Variants in COL14A1 observed in about 807,000 individuals in gnomAD.
The protein encoded by COL14A1 is collagen alpha-1(XIV) chain.
A neutral mutation model predicts 230.3 loss-of-function variants in COL14A1; 136 were observed. That is an observed-to-expected ratio of 0.59 (90% confidence interval 0.51 to 0.68). COL14A1 has a LOEUF of 0.68. Ranked by LOEUF, COL14A1 falls within the 30% of genes least tolerant of loss-of-function variation. COL14A1 has a pLI of 0.00. For missense variants in COL14A1, 1,976 were observed against 2,215.8 expected (o/e 0.89, Z 2.17); for synonymous variants, 792 against 784.1 (o/e 1.01, Z -0.17).
chr8:120,360,424 T>C (rs1823152657), intron 45 of COL14A1, among the ~76,000 whole-genome samples: 1 of 152,194 alleles, frequency 6.6e-6, no homozygotes, highest in Non-Finnish European at 1.5e-5. Flanking sequence ...TTATATTCTA[T>C]TGCCTGTGAA....
At chr8:120,307,163 T>C (rs1820879831) in intron 36 of COL14A1, among the ~76,000 whole-genome samples, 1 of 152,184 alleles carries the variant, frequency 6.6e-6, no homozygotes, top group African/African-American at 2.4e-5. Context: ...CAATGATTCC[T>C]GGTTGCAAAG....
At chr8:120,165,386 T>C (rs1815831952) in intron 4 of COL14A1, among the ~76,000 whole-genome samples, 2 of 152,246 alleles carry the variant, frequency 1.3e-5, no homozygotes, top group Non-Finnish European at 2.9e-5. Flanking sequence ...GATGTTTGAA[T>C]TTTTAAGACA....
chr8:120,206,878 A>G (rs556360736), intron 9 of COL14A1, 65 bp from the exon 10 acceptor site: 2 of 1,418,954 alleles, frequency 1.4e-6, no homozygotes, highest in African/African-American at 2.9e-5. Flanking sequence ...GTCTAATGAG[A>G]TGTCTTAGCT....
intron 5 of COL14A1, among the ~76,000 whole-genome samples, chr8:120,195,459 A>C (rs147950579): frequency 9.6e-4 from 146 of 152,286 alleles, no homozygotes; most frequent in African/African-American, 3.3e-3. Flanking sequence ...GTTCTTTGGA[A>C]GCACAGACCA....
rs200771692 is a variant in COL14A1, at chr8:120,270,131, G to A, written c.3170G>A (p.Ser1057Asn). 15 of 1,611,262 alleles carry A rather than the reference G, an allele frequency of 9.3e-6. No individual in the cohort carries two copies. Among genetic ancestry groups the A allele is most frequent in the Admixed American group, 1.7e-5 (1 of 59,704 alleles). Residue 1057 changes from serine (S) to asparagine (N), a missense_variant, in exon 26 of 48, where the codon AGC (serine) becomes AAC (asparagine). This residue lies in a region of COL14A1 where 1,791 missense variants were observed against 2,019.5 expected (regional missense o/e 0.89). Transcript: ENST00000297848. ...NFNKIISFLYSTVGALNKIGT... is the reference protein window; with the variant it reads ...NFNKIISFLYNTVGALNKIGT... ...AATAAGATCATCAGCTTTCTATACAGCACTGTTGGAGCCCTGAACAAGATT... is the reference window on the plus strand; with the variant it reads ...AATAAGATCATCAGCTTTCTATACAACACTGTTGGAGCCCTGAACAAGATT...
chr8:120,250,479 C>A, intron 21 of COL14A1, 138 bp from the exon 22 acceptor site: 1 of 896,678 alleles, frequency 1.1e-6, no homozygotes, highest in Non-Finnish European at 1.7e-6. Flanking sequence ...AGACCAGATT[C>A]AAACCTCAAC....
chr8:120,360,230 C>T (rs1036779396), intron 45 of COL14A1, among the ~76,000 whole-genome samples: 20 of 152,284 alleles, frequency 1.3e-4, no homozygotes, highest in African/African-American at 4.3e-4. Flanking sequence ...CCTTGTAGCA[C>T]CCAGAAGGAG....
At chr8:120,234,860 A>G (rs1359638145) in intron 19 of COL14A1, among the ~76,000 whole-genome samples, 1 of 151,978 alleles carries the variant, frequency 6.6e-6, no homozygotes, top group Non-Finnish European at 1.5e-5. Context: ...CTCTTTTTCT[A>G]TTGCTTCGAA....
In COL14A1 at chr8:120,199,509, G is replaced by T. The variant is rs1333375524; in HGVS notation, c.820G>T (p.Asp274Tyr). 2 of 1,613,114 alleles carry T rather than the reference G, an allele frequency of 1.2e-6. No homozygotes were observed. Among genetic ancestry groups the T allele is most frequent in the Non-Finnish European group, 1.7e-6 (2 of 1,179,616 alleles). ...ILITDGKSQD[D>Y]IIPPSRNLRE... ...AATCACAGATGGAAAATCCCAAGAT[G>T]ACATTATTCCACCATCTAGAAATCT... Residue 274 changes from aspartate (D) to tyrosine (Y), a missense_variant, in exon 8 of 48, where the codon GAC becomes TAC. Physicochemically the swap from Asp to Tyr is radical, Grantham distance 160. Around this residue, in one of 3 missense-constraint regions of COL14A1, gnomAD observed 1,791 missense variants for 2,019.5 expected, o/e 0.89. Transcript: ENST00000297848.
intron 26 of COL14A1, among the ~76,000 whole-genome samples, chr8:120,276,948 A>G (rs750778772): frequency 6.6e-6 from 1 of 152,136 alleles, no homozygotes; most frequent in Admixed American, 6.6e-5. Context: ...CTTTATAAAA[A>G]TGGTGACATG....
At chr8:120,364,049 A>C (rs1363372191) in intron 45 of COL14A1, among the ~76,000 whole-genome samples, 1 of 151,996 alleles carries the variant, frequency 6.6e-6, no homozygotes, top group East Asian at 1.9e-4. Context: ...GACAAGTTAA[A>C]GGGCATTTCA....
intron 27 of COL14A1, 64 bp downstream of exon 27, chr8:120,278,298 C>A: frequency 1.3e-6 from 2 of 1,525,144 alleles, no homozygotes. Flanking sequence ...ACTGAAATGA[C>A]CTTTTATTTT....
At chr8:120,186,452 CA>C (rs1816654164) in intron 5 of COL14A1, among the ~76,000 whole-genome samples, 1 of 152,154 alleles carries the variant, frequency 6.6e-6, no homozygotes, top group Non-Finnish European at 1.5e-5. Flanking sequence ...TGGCATAGAA[CA>C]AAATAATTCA....
At chr8:120,202,679 T>C (rs1365043792) in intron 8 of COL14A1, among the ~76,000 whole-genome samples, 1 of 152,042 alleles carries the variant, frequency 6.6e-6, no homozygotes, top group African/African-American at 2.4e-5. Flanking sequence ...ATAGGATTGA[T>C]TGTCAGGATT....
At chr8:120,367,317 G>GA in intron 46 of COL14A1, 69 bp downstream of exon 46, 1 of 1,268,734 alleles carries the variant, frequency 7.9e-7, no homozygotes, top group African/African-American at 1.5e-5. Context: ...TGCAAGTGAG[G>GA]AAAATGGTCA....
intron 5 of COL14A1, among the ~76,000 whole-genome samples, chr8:120,181,883 C>T (rs1220210431): frequency 1.3e-5 from 2 of 152,080 alleles, no homozygotes; most frequent in African/African-American, 2.4e-5. Flanking sequence ...ACCCGGGAGG[C>T]GGAGGTTGCA....
At chr8:120,286,071 G>A (rs909560568) in intron 33 of COL14A1, 101 bp downstream of exon 33, 1 of 695,394 alleles carries the variant, frequency 1.4e-6, no homozygotes, top group Non-Finnish European at 2.5e-6. Flanking sequence ...AATTTCAGCT[G>A]GAGTGAGAAT....
intron 23 of COL14A1, among the ~76,000 whole-genome samples, chr8:120,256,861 T>A (rs1339250823): frequency 1.3e-5 from 2 of 152,214 alleles, no homozygotes; most frequent in Non-Finnish European, 2.9e-5. Flanking sequence ...ATATGATTTA[T>A]CCTTTTATAT....
At chr8:120,300,848 T>G in intron 36 of COL14A1, 30 bp downstream of exon 36, 1 of 1,543,450 alleles carries the variant, frequency 6.5e-7, no homozygotes, top group Non-Finnish European at 8.9e-7. Flanking sequence ...GCCTTAAATT[T>G]TCTTTAATAA....
Sources: gnomAD v4.1 joint callset for allele counts (sites outside exome capture counted in the v4.1 genomes callset) on GRCh38, gnomAD v4.1.1 for gene constraint, gnomAD v4.1.1 regional missense constraint, MANE v1.5 for transcripts, NCBI Gene and HGNC (gene_info 2026-07-23, HGNC 2026-07-21) for gene names.